The following MPV17 variants were observed in gnomAD, a reference collection of about 807,000 sequenced individuals.
MPV17 encodes the protein mitochondrial inner membrane protein MPV17.
A neutral mutation model predicts 28.6 loss-of-function variants in MPV17; 31 were observed. The ratio of observed to expected loss-of-function variants is 1.08; its 90% CI spans 0.81 to 1.46. MPV17 has a LOEUF of 1.46. Ranked by LOEUF, MPV17 falls within the 40% of genes most tolerant of loss-of-function variation. The pLI, the probability that MPV17 is intolerant of heterozygous loss-of-function variation, is 0.00. For synonymous variants in MPV17, 87 were observed against 85.3 expected (o/e 1.02, Z -0.11); for missense variants, 198 against 216.2 (o/e 0.92, Z 0.53).
At chr2:27,312,854 T>C in intron 3 of MPV17, 82 bp from the exon 4 acceptor site, 2 of 1,543,142 alleles carry the variant, frequency 1.3e-6, no homozygotes, top group East Asian at 2.2e-5. Context: ...GCCCCAAGTA[T>C]CAGAATAGGG....
intron 6 of MPV17, 111 bp downstream of exon 6, chr2:27,312,103 A>G (rs1342981650): frequency 1.4e-6 from 2 of 1,453,320 alleles, no homozygotes; most frequent in African/African-American, 1.4e-5. Flanking sequence ...CCTGGGAATG[A>G]AAGAGTAATC....
intron 2 of MPV17, among the ~76,000 whole-genome samples, chr2:27,313,851 A>G (rs1359819015): frequency 2.0e-5 from 3 of 152,138 alleles, no homozygotes; most frequent in Non-Finnish European, 4.4e-5. Context: ...AGCTGGGACT[A>G]CAGGCACCCA....
chr2:27,316,345 C>G (rs1170824569), intron 2 of MPV17, among the ~76,000 whole-genome samples: 1 of 152,120 alleles, frequency 6.6e-6, no homozygotes, highest in African/African-American at 2.4e-5. Flanking sequence ...GATTCAAGTC[C>G]CCCAGACTGT....
intron 2 of MPV17, among the ~76,000 whole-genome samples, chr2:27,316,386 C>T (rs1162372125): frequency 6.6e-6 from 1 of 152,210 alleles, no homozygotes; most frequent in Non-Finnish European, 1.5e-5. Context: ...TACCAAGTGA[C>T]AGGGCAGCAG....
chr2:27,311,562 G>A, intron 7 of MPV17: 2 of 1,549,068 alleles, frequency 1.3e-6, no homozygotes, highest in South Asian at 1.2e-5. Context: ...TGGCCTTCTG[G>A]TCTACCTCTC....
chr2:27,312,272 T>C (rs780025038), intron 5 of MPV17, 26 bp from the exon 6 acceptor site: 24 of 1,613,460 alleles, frequency 1.5e-5, no homozygotes, highest in Non-Finnish European at 1.8e-5. Context: ...AGGAACAAAT[T>C]AACACTTGCG....
chr2:27,319,348 C>T (rs1679768945), intron 2 of MPV17, among the ~76,000 whole-genome samples: 2 of 150,948 alleles, frequency 1.3e-5, no homozygotes, highest in Admixed American at 6.6e-5. Flanking sequence ...TGGCAAAACC[C>T]CATCTCTACC....
At chr2:27,318,753 ATTTCT>A (rs1015334737) in intron 2 of MPV17, among the ~76,000 whole-genome samples, 28 of 151,106 alleles carry the variant, frequency 1.9e-4, no homozygotes, top group Admixed American at 5.3e-4. Flanking sequence ...CCTAAAGAGT[ATTTCT>A]TTTCTTTTCT....
intron 5 of MPV17, 106 bp from the exon 6 acceptor site, chr2:27,312,352 C>T: frequency 7.0e-7 from 1 of 1,430,278 alleles, no homozygotes; most frequent in South Asian, 1.1e-5. Context: ...CACATTCCTG[C>T]ACCATAACCC....
At chr2:27,319,331 G>A (rs1407712833) in intron 2 of MPV17, among the ~76,000 whole-genome samples, 1 of 151,026 alleles carries the variant, frequency 6.6e-6, no homozygotes, top group Admixed American at 6.6e-5. Context: ...ATAAAGCTTG[G>A]GCAATATGGC....
Position 27,310,133 on chromosome 2 carries a change from TCTC to T in MPV17, c.462-155_462-153del, listed in dbSNP as rs1274810291. ...TCAGCACCTTTTTTTTGAGATGGAG[TCTC>T]CTCTGTTGCCCAGGCTGGAGTGCAG... On this transcript the variant is annotated intron_variant, in intron 7 of 7. Coordinates refer to ENST00000380044, the MANE Select transcript of MPV17 (RefSeq NM_002437.5). 8.4e-6 allele frequency: 6 copies of T among 717,176 alleles called. No individual in the cohort carries two copies. In the East Asian group the frequency reaches 1.3e-4, roughly 16 times the overall value. 44.4% of individuals were successfully genotyped at this position (717,176 alleles called of 1,614,324 possible).
At chr2:27,318,803 C>T (rs992179750) in intron 2 of MPV17, among the ~76,000 whole-genome samples, 4 of 151,900 alleles carry the variant, frequency 2.6e-5, no homozygotes, top group Non-Finnish European at 5.9e-5. Context: ...CTCGCTCTGT[C>T]GCCCAGGCTG....
At chr2:27,320,236 C>T (rs1181112417) in intron 2 of MPV17, among the ~76,000 whole-genome samples, 1 of 148,494 alleles carries the variant, frequency 6.7e-6, no homozygotes, top group African/African-American at 2.5e-5. Context: ...GACTCCATCT[C>T]GAAGAAAAAA....
intron 4 of MPV17, 34 bp downstream of exon 4, chr2:27,312,646 C>G (rs750631414): frequency 6.2e-6 from 10 of 1,613,186 alleles, no homozygotes; most frequent in Non-Finnish European, 6.8e-6. Context: ...ACCCCCAACA[C>G]AGCTCACCCT....
chr2:27,322,376 T>G (rs1199746889), intron 2 of MPV17, 72 bp downstream of exon 2: 1 of 1,234,854 alleles, frequency 8.1e-7, no homozygotes, highest in Non-Finnish European at 1.2e-6. Context: ...GTGAGGGTGG[T>G]GCAGTGGGGC....
At chr2:27,322,138 A>G in intron 2 of MPV17, 1 of 459,566 alleles carries the variant, frequency 2.2e-6, no homozygotes, top group South Asian at 2.5e-5. Context: ...TGCTTTGCAT[A>G]CGGTAAAATG....
chr2:27,312,769 G>A lies in MPV17; in HGVS notation c.190C>T (p.Pro64Ser). 4 of 1,613,994 alleles carry A rather than the reference G, an allele frequency of 2.5e-6. No homozygotes were observed. In the South Asian group the frequency reaches 3.3e-5, roughly 13 times the overall value. Residue 64 changes from proline to serine, a missense_variant, in exon 4 of 8, where the codon CCT becomes TCT. By Grantham distance (74) the Pro-to-Ser change is moderately conservative. Coordinates refer to ENST00000380044, the MANE Select transcript of MPV17 (RefSeq NM_002437.5). ...MVSLGCGFVG[P>S]VVGGWYKVLD... Reference sequence around the variant, plus strand: ...ACCTTGTACCAGCCTCCTACCACAGGGCCCTGGAAGTAAACCCCAGATAGC... The same window carrying A: ...ACCTTGTACCAGCCTCCTACCACAGAGCCCTGGAAGTAAACCCCAGATAGC...
chr2:27,316,994 T>G (rs567954778), intron 2 of MPV17: 1 of 1,328,724 alleles, frequency 7.5e-7, no homozygotes, highest in Non-Finnish European at 1.0e-6. Context: ...TGCCCACTAG[T>G]GGAAAAGCCC....
rs1229249324 is a variant in MPV17, at chr2:27,316,805, C to T, written c.71-3696G>A. ...AGGCCTGATGGGGCAGGGCTAGGGG[C>T]TGCTGGGCAGTGATGCCCAATGACA... On this transcript the variant is annotated intron_variant, in intron 2 of 7. Coordinates refer to ENST00000380044, the MANE Select transcript of MPV17 (RefSeq NM_002437.5). 1.8e-5 allele frequency: 7 copies of T among 396,290 alleles called. No homozygotes were observed. In the East Asian group the frequency reaches 3.3e-4, roughly 19 times the overall value. The allele number at this position is 396,290 out of a possible 1,614,324, so 24.5% of individuals were successfully genotyped here.
Sources: gnomAD v4.1 joint callset for allele counts (sites outside exome capture counted in the v4.1 genomes callset) on GRCh38, gnomAD v4.1.1 for gene constraint, MANE v1.5 for transcripts, NCBI Gene and HGNC (gene_info 2026-07-23, HGNC 2026-07-21) for gene names.